The following MGAT4C variants were observed in gnomAD, a reference collection of about 807,000 sequenced individuals.
MGAT4C encodes the protein alpha-1,3-mannosyl-glycoprotein 4-beta-N-acetylglucosaminyltransferase C.
In MGAT4C, 19 loss-of-function variants were observed where a neutral mutation model predicts 40.1. The ratio of observed to expected loss-of-function variants is 0.47; its 90% CI spans 0.33 to 0.70. The LOEUF (loss-of-function observed/expected upper bound fraction) is 0.70, where lower values mean the gene tolerates loss of function less well. Among genes scored for constraint, MGAT4C ranks in the 30% least tolerant of loss-of-function variants. The probability of loss-of-function intolerance (pLI) is 0.02; values close to 1 mark genes in which losing one functional copy is unlikely to be tolerated. For missense variants in MGAT4C, 491 were observed against 563.2 expected (o/e 0.87, Z 1.30); for synonymous variants, 181 against 187.1 (o/e 0.97, Z 0.27).
At chr12:86,067,896 G>A (rs966557830) in intron 1 of MGAT4C, among the ~76,000 whole-genome samples, 1 of 152,122 alleles carries the variant, frequency 6.6e-6, no homozygotes, top group East Asian at 1.9e-4. Context: ...TGCAGAGCAA[G>A]AGTTGGAGCA....
At chr12:86,531,038 A>G (rs2136372666) in intron 2 of MGAT4C, among the ~76,000 whole-genome samples, 1 of 152,202 alleles carries the variant, frequency 6.6e-6, no homozygotes, top group Middle Eastern at 3.4e-3. Context: ...ATTATTCTCA[A>G]AAAGAAAGGG....
At chr12:86,357,499 G>T (rs1484178497) in intron 3 of MGAT4C, among the ~76,000 whole-genome samples, 2 of 152,148 alleles carry the variant, frequency 1.3e-5, no homozygotes, top group Admixed American at 6.5e-5. Context: ...AGAGAAGAAG[G>T]CTTCAGACCA....
intron 1 of MGAT4C, among the ~76,000 whole-genome samples, chr12:86,731,558 AC>A (rs1372530428): frequency 1.3e-5 from 2 of 151,602 alleles, no homozygotes; most frequent in African/African-American, 4.8e-5. Flanking sequence ...TATTGTTGTA[AC>A]CTATGAAGTA....
intron 2 of MGAT4C, among the ~76,000 whole-genome samples, chr12:86,678,609 A>G (rs775181939): frequency 5.4e-4 from 67 of 124,202 alleles, no homozygotes; most frequent in Non-Finnish European, 9.3e-4. Context: ...TCCCCAGAGT[A>G]TGATGTTCCC....
intron 1 of MGAT4C, among the ~76,000 whole-genome samples, chr12:86,151,106 GC>G (rs1884209910): frequency 6.6e-6 from 1 of 152,018 alleles, no homozygotes; most frequent in African/African-American, 2.4e-5. Flanking sequence ...ATGTCCCAAG[GC>G]CCCAGGTATA....
In MGAT4C at chr12:86,101,031, T is replaced by C. The variant is rs73379410; in HGVS notation, c.-56-51308A>G. The stretch of plus-strand genomic sequence containing the variant: ...GCAAGTGTATTTTTCCTATTTTTTT[T>C]CTATTCACTTCTCAACTGTAATGTA... On this transcript the variant is annotated intron_variant, in intron 1 of 4. Coordinates refer to ENST00000611864, the MANE Select transcript of MGAT4C (RefSeq NM_001351288.2). 2.7e-3 allele frequency among the ~76,000 whole-genome samples: 406 copies of C among 151,896 alleles called. 1 individual carries two copies. Among genetic ancestry groups the C allele is most frequent in the African/African-American group, 9.5e-3 (396 of 41,550 alleles).
intron 1 of MGAT4C, among the ~76,000 whole-genome samples, chr12:86,167,724 G>A (rs1424838016): frequency 1.3e-5 from 2 of 152,132 alleles, no homozygotes; most frequent in African/African-American, 4.8e-5. Flanking sequence ...ATTCATAAAG[G>A]CAGAGTCCTC....
intron 1 of MGAT4C, among the ~76,000 whole-genome samples, chr12:86,184,052 C>A (rs1888436527): frequency 6.6e-6 from 1 of 152,126 alleles, no homozygotes. Flanking sequence ...CTTTCAGACA[C>A]ACAAATGTGA....
chr12:86,099,181 A>T (rs1874481184), intron 1 of MGAT4C, among the ~76,000 whole-genome samples: 2 of 151,440 alleles, frequency 1.3e-5, no homozygotes, highest in South Asian at 4.1e-4. Context: ...AGCTTAGAAA[A>T]ATTTATACAA....
At chr12:86,741,419 AAC>A (rs1951067677) in intron 1 of MGAT4C, among the ~76,000 whole-genome samples, 1 of 151,384 alleles carries the variant, frequency 6.6e-6, no homozygotes, top group African/African-American at 2.4e-5. Flanking sequence ...TTGTTAAAAT[AAC>A]ACACTGAATG....
At chr12:86,490,867 C>A (rs1478633557) in intron 2 of MGAT4C, among the ~76,000 whole-genome samples, 1 of 152,134 alleles carries the variant, frequency 6.6e-6, no homozygotes, top group Non-Finnish European at 1.5e-5. Context: ...AGCTAACTAT[C>A]CTAAATATAT....
At chr12:86,036,749 A>G (rs1185566906) in intron 2 of MGAT4C, among the ~76,000 whole-genome samples, 1 of 149,884 alleles carries the variant, frequency 6.7e-6, no homozygotes, top group South Asian at 2.1e-4. Context: ...TTGGCCTGGA[A>G]TTGTCTTTAT....
At chr12:86,684,202 GC>G (rs1332555080) in intron 2 of MGAT4C, among the ~76,000 whole-genome samples, 2 of 151,988 alleles carry the variant, frequency 1.3e-5, no homozygotes, top group African/African-American at 4.8e-5. Flanking sequence ...CCCTTAACAG[GC>G]CCTGATGTGT....
chr12:86,299,976 G>C (rs1053977047), intron 4 of MGAT4C, among the ~76,000 whole-genome samples: 2 of 152,166 alleles, frequency 1.3e-5, no homozygotes, highest in Non-Finnish European at 2.9e-5. Context: ...AAAAGAATGA[G>C]TATATGCCCT....
intron 3 of MGAT4C, among the ~76,000 whole-genome samples, chr12:86,358,227 C>A (rs1955363746): frequency 6.6e-6 from 1 of 152,104 alleles, no homozygotes; most frequent in African/African-American, 2.4e-5. Context: ...TCCAGCCAAA[C>A]TAAGCTTCGT....
At position 85,965,596 on chromosome 12, in the gene MGAT4C, C is replaced by CAAAAAAA. The variant is rs770451333; in HGVS notation, c.*13686_*13692dup. 1 of 57,120 alleles carries CAAAAAAA rather than the reference C, an allele frequency of 1.8e-5. No individual in the cohort carries two copies. Among genetic ancestry groups the CAAAAAAA allele is most frequent in the Non-Finnish European group, 3.1e-5 (1 of 32,100 alleles). The allele number at this position is 57,120 out of a possible 1,614,324, so 3.5% of individuals were successfully genotyped here. On this transcript the variant is annotated 3_prime_UTR_variant, in exon 5 of 5. Transcript: ENST00000611864. ...TGGGCAAAAGAGTGAGACTCTGTCT[C>CAAAAAAA]AAAAAAAAAAAAAAAAAAAAAAAAG...
chr12:86,731,978 T>C (rs1328051879), intron 1 of MGAT4C, among the ~76,000 whole-genome samples: 1 of 152,176 alleles, frequency 6.6e-6, no homozygotes, highest in Non-Finnish European at 1.5e-5. Flanking sequence ...TCCTGTTTTA[T>C]GCTTAAAGGA....
chr12:86,222,208 A>G (rs1950908250), intron 1 of MGAT4C, among the ~76,000 whole-genome samples: 1 of 152,186 alleles, frequency 6.6e-6, no homozygotes, highest in Admixed American at 6.5e-5. Context: ...TAAATAAAGG[A>G]AAGCTACAAT....
At chr12:86,745,822 C>A (rs548569726) in intron 1 of MGAT4C, among the ~76,000 whole-genome samples, 1 of 151,472 alleles carries the variant, frequency 6.6e-6, no homozygotes, top group African/African-American at 2.4e-5. Flanking sequence ...GACTGAATAC[C>A]CCCACATGAA....
Sources: allele counts gnomAD v4.1 joint callset (sites outside exome capture counted in the v4.1 genomes callset), GRCh38; gene constraint gnomAD v4.1.1; transcripts MANE v1.5; gene names NCBI Gene and HGNC (gene_info 2026-07-23, HGNC 2026-07-21).